Variants in SEC22C observed in about 807,000 individuals in gnomAD.
The protein encoded by SEC22C is vesicle-trafficking protein SEC22c.
Under a neutral mutation model 34.7 loss-of-function variants are expected in SEC22C, and 29 were observed. The observed-to-expected ratio is 0.84, with a 90% CI of 0.62 to 1.14. SEC22C has a LOEUF of 1.14. SEC22C is among the 50% of genes most tolerant of loss of function. The probability of loss-of-function intolerance (pLI) is 0.00; values close to 1 mark genes in which losing one functional copy is unlikely to be tolerated. For synonymous variants in SEC22C, 117 were observed against 132.8 expected (o/e 0.88, Z 0.82); for missense variants, 337 against 369.0 (o/e 0.91, Z 0.71).
In SEC22C at chr3:42,592,356, C is replaced by T. The variant is rs77839793; in HGVS notation, c.-28+8604G>A. On this transcript the variant is annotated intron_variant, in intron 1 of 6. Transcript: ENST00000417572. ...CTGGGACTACAGGCGTGTGCCACCA[C>T]GCCCTGCTAATTTTTATATTTGTAG... Among the ~76,000 whole-genome samples, 157 of 152,206 alleles carry T rather than the reference C, an allele frequency of 1.0e-3. 4 individuals are homozygous for T. The East Asian group carries it at 0.02, about 20-fold the overall frequency.
chr3:42,556,069 C>G lies in SEC22C; in HGVS notation c.646-74G>C. On this transcript the variant is annotated intron_variant, in intron 5 of 6. Transcript: ENST00000264454. ...AAACACTGTGACATAAAGCACTTTA[C>G]TCTGCCTTCTGTCTGGTATGGTTGA... is the stretch of plus-strand genomic sequence containing the variant. 3.5e-6 allele frequency: 4 copies of G among 1,152,716 alleles called. No individual in the cohort carries two copies. The African/African-American group carries it at 4.7e-5, about 13-fold the overall frequency. The allele number at this position is 1,152,716 out of a possible 1,614,324, so 71.4% of individuals were successfully genotyped here.
chr3:42,556,837 C>G (rs975019915), intron 5 of SEC22C, among the ~76,000 whole-genome samples: 3 of 152,204 alleles, frequency 2.0e-5, no homozygotes, highest in African/African-American at 7.2e-5. Flanking sequence ...GACTCTCCCA[C>G]CTCAGCCTCC....
In SEC22C at chr3:42,553,244, A is replaced by G. The variant is rs753564217; in HGVS notation, c.*4T>C. 5 of 1,614,018 alleles carry G rather than the reference A, an allele frequency of 3.1e-6. No homozygotes were observed. ...CAAAGAATCCATTCATCACAGTGTC[A>G]TCCTCATACTCCACAGTCAGACTGC... is the stretch of plus-strand genomic sequence containing the variant. On this transcript the variant is annotated 3_prime_UTR_variant, in exon 7 of 7. Coordinates refer to ENST00000264454, the MANE Select transcript of SEC22C (RefSeq NM_032970.4).
intron 1 of SEC22C, 83 bp downstream of exon 1, chr3:42,581,763 C>G (rs1342453765): frequency 1.3e-5 from 2 of 152,494 alleles, no homozygotes; most frequent in Non-Finnish European, 2.9e-5. Flanking sequence ...GCCTCCACCT[C>G]TGGGCCCGCC....
At chr3:42,598,125 C>T (rs915733691) in intron 1 of SEC22C, among the ~76,000 whole-genome samples, 1 of 152,060 alleles carries the variant, frequency 6.6e-6, no homozygotes, top group African/African-American at 2.4e-5. Flanking sequence ...TTTGTACACC[C>T]ACATTCATAA....
At chr3:42,564,209 T>C in intron 2 of SEC22C, 1 of 241,706 alleles carries the variant, frequency 4.1e-6, no homozygotes. Context: ...GATTGTGGTA[T>C]TTAGGTTATT....
chr3:42,555,358 A>AAAG (rs1702472145), intron 6 of SEC22C, among the ~76,000 whole-genome samples: 1 of 151,538 alleles, frequency 6.6e-6, no homozygotes, highest in South Asian at 2.1e-4. Flanking sequence ...AAAAAAAAAA[A>AAAG]GAAAAAAAAA....
chr3:42,586,746 T>C (rs900950189), upstream of SEC22C, among the ~76,000 whole-genome samples: 5 of 152,220 alleles, frequency 3.3e-5, no homozygotes, highest in African/African-American at 1.2e-4. Context: ...ATAGTTCCAG[T>C]CAGTTTCTAC....
intron 1 of SEC22C, among the ~76,000 whole-genome samples, chr3:42,581,103 T>C (rs1441342309): frequency 6.6e-6 from 1 of 152,262 alleles, no homozygotes; most frequent in East Asian, 1.9e-4. Context: ...TATTTAATTC[T>C]ATCTGGCAAC....
intron 1 of SEC22C, among the ~76,000 whole-genome samples, chr3:42,570,416 T>G (rs1195526448): frequency 6.6e-6 from 1 of 152,158 alleles, no homozygotes; most frequent in East Asian, 1.9e-4. Flanking sequence ...GTTCTAAGAA[T>G]AAAGACCATG....
intron 1 of SEC22C, among the ~76,000 whole-genome samples, chr3:42,571,491 G>A (rs1021550547): frequency 1.3e-5 from 2 of 152,198 alleles, no homozygotes; most frequent in African/African-American, 4.8e-5. Flanking sequence ...CAGGATGGCA[G>A]CTGCCTGAAG....
rs1443496183 is a variant in SEC22C at position 42,550,397 on chromosome 3, G to A, written c.*2851C>T. ...TTGGAACCAGTTTGCTGGTATCAAG[G>A]ATCACACAAGAGGCTATAAACCTCC... is the stretch of plus-strand genomic sequence containing the variant. On this transcript the variant is annotated 3_prime_UTR_variant, in exon 7 of 7. Coordinates refer to ENST00000264454, the MANE Select transcript of SEC22C (RefSeq NM_032970.4). The A allele has an allele frequency of 1.0e-6, 1 of 985,424 alleles. No individual in the cohort carries two copies. Among genetic ancestry groups the A allele is most frequent in the East Asian group, 1.1e-4 (1 of 8,808 alleles). The allele number at this position is 985,424 out of a possible 1,614,324, so 61.0% of individuals were successfully genotyped here. A position where few individuals can be genotyped will look rare whatever the true frequency, so the allele number is the denominator to read the frequency against.
rs1310725697 is a variant in SEC22C, at chr3:42,557,674, T to G, written c.549A>C (p.Pro183=). 6.2e-7 allele frequency: 1 copy of G among 1,606,612 alleles called. No individual in the cohort carries two copies. Among genetic ancestry groups the G allele is most frequent in the South Asian group, 1.1e-5 (1 of 90,602 alleles). The stretch of plus-strand genomic sequence containing the variant: ...GGGAGAGGATACCCAGGGCTGTCAC[T>G]GGTTCCATTCGGAAATTAGGAGCTT... ...LEPAPNFRME[P]VTALGILSLI... Residue 183 remains proline, a synonymous_variant, in exon 5 of 7, where the codon CCA becomes CCC. Coordinates refer to ENST00000264454, the MANE Select transcript of SEC22C (RefSeq NM_032970.4).
intron 2 of SEC22C, chr3:42,566,709 G>A (rs955616623): frequency 5.5e-6 from 1 of 183,112 alleles, no homozygotes; most frequent in Non-Finnish European, 1.2e-5. Context: ...ACTATTCAAG[G>A]AGAACAAAAG....
intron 1 of SEC22C, among the ~76,000 whole-genome samples, chr3:42,578,539 TACAC>T (rs66708395): frequency 0.12 from 17,803 of 146,708 alleles, 1,175 homozygotes; most frequent in African/African-American, 0.18. Flanking sequence ...GTGACAGTAC[TACAC>T]ACACACACAC....
chr3:42,593,402 G>A (rs1314915242), intron 1 of SEC22C, among the ~76,000 whole-genome samples: 3 of 152,174 alleles, frequency 2.0e-5, no homozygotes, highest in African/African-American at 7.2e-5. Context: ...GGGTGACAGA[G>A]CAAGACTCCG....
chr3:42,573,389 G>A (rs1703763158), intron 1 of SEC22C: 1 of 152,198 alleles, frequency 6.6e-6, no homozygotes, highest in Non-Finnish European at 1.5e-5. Context: ...GCCGGGCATG[G>A]TGGCACACAC....
intron 1 of SEC22C, among the ~76,000 whole-genome samples, chr3:42,591,982 G>T (rs1704866332): frequency 6.6e-6 from 1 of 152,128 alleles, no homozygotes; most frequent in Non-Finnish European, 1.5e-5. Context: ...AAGTGAAGGG[G>T]TCAGGCCATT....
chr3:42,576,566 A>G (rs1703976826), intron 1 of SEC22C, among the ~76,000 whole-genome samples: 1 of 152,144 alleles, frequency 6.6e-6, no homozygotes, highest in Non-Finnish European at 1.5e-5. Context: ...TTAGATATAA[A>G]TCTAACAAAA....
Sources: gnomAD v4.1 joint callset for allele counts (sites outside exome capture counted in the v4.1 genomes callset) on GRCh38, gnomAD v4.1.1 for gene constraint, MANE v1.5 for transcripts, NCBI Gene and HGNC (gene_info 2026-07-23, HGNC 2026-07-21) for gene names.